Variants in DHRSX observed in about 807,000 individuals in gnomAD.
The protein encoded by DHRSX is polyprenol dehydrogenase.
A neutral mutation model predicts 34.0 loss-of-function variants in DHRSX; 31 were observed. The observed-to-expected ratio is 0.91, with a 90% CI of 0.69 to 1.23. DHRSX has a LOEUF of 1.23. DHRSX is among the 50% of genes most tolerant of loss of function. The pLI is 0.00. For synonymous variants in DHRSX, 201 were observed against 183.8 expected, an observed-to-expected ratio of 1.09 and a Z score of -0.76; for missense variants, 414 against 428.1, an observed-to-expected ratio of 0.97 and a Z score of 0.29.
At chrX:2,472,326 G>A (rs2044605875) in intron 1 of DHRSX, among the ~76,000 whole-genome samples, 1 of 152,118 alleles carries the variant, frequency 6.6e-6, no homozygotes, top group Non-Finnish European at 1.5e-5. Context: ...GGGCCTGCTG[G>A]AGGGTGGAGG....
intron 6 of DHRSX, among the ~76,000 whole-genome samples, chrX:2,223,282 T>A (rs114977810): frequency 0.018 from 2,797 of 152,172 alleles, 85 homozygotes; most frequent in African/African-American, 0.064. Flanking sequence ...AAAAGGCCGC[T>A]CCCCTGCACA....
intron 3 of DHRSX, among the ~76,000 whole-genome samples, chrX:2,337,147 A>G (rs1457394357): frequency 6.6e-6 from 1 of 152,070 alleles, no homozygotes; most frequent in Non-Finnish European, 1.5e-5. Flanking sequence ...CAACAAAGCT[A>G]TTTCCCGTAA....
chrX:2,431,053 C>T (rs1253369274), intron 1 of DHRSX, among the ~76,000 whole-genome samples: 1 of 150,958 alleles, frequency 6.6e-6, no homozygotes, highest in South Asian at 2.1e-4. Context: ...CGGCCGGGCA[C>T]GGTGGCTCAT....
At chrX:2,467,962 C>CA (rs746652058) in intron 1 of DHRSX, among the ~76,000 whole-genome samples, 2,036 of 84,158 alleles carry the variant, frequency 0.024, 39 homozygotes, top group African/African-American at 0.059. Context: ...AACTCCGTCT[C>CA]AAAAAAAAAA....
intron 3 of DHRSX, among the ~76,000 whole-genome samples, chrX:2,384,161 CA>C (rs1373705716): frequency 1.2e-4 from 19 of 152,274 alleles, no homozygotes; most frequent in Non-Finnish European, 2.1e-4. Flanking sequence ...ACAGAGCTCT[CA>C]GTTGCCACCA....
At chrX:2,299,766 A>C (rs1452296417) in intron 3 of DHRSX, among the ~76,000 whole-genome samples, 4 of 151,968 alleles carry the variant, frequency 2.6e-5, no homozygotes, top group Non-Finnish European at 5.9e-5. Flanking sequence ...GAGGCAGGAC[A>C]ATCGTTTGAA....
At chrX:2,261,849 A>G (rs2041368003) in intron 5 of DHRSX, 1 of 152,198 alleles carries the variant, frequency 6.6e-6, no homozygotes, top group Admixed American at 6.5e-5. Flanking sequence ...AGAATAACAG[A>G]CAGGCGGCCC....
intron 1 of DHRSX, chrX:2,488,195 CTTTTT>C: frequency 6.2e-6 from 1 of 161,524 alleles, no homozygotes; most frequent in Non-Finnish European, 1.3e-5. Context: ...CTTCTTTTTT[CTTTTT>C]GAGAGAGTCT....
intron 3 of DHRSX, among the ~76,000 whole-genome samples, chrX:2,349,261 A>G (rs1311930372): frequency 1.3e-5 from 2 of 152,066 alleles, no homozygotes; most frequent in Non-Finnish European, 2.9e-5. Context: ...CGTTCAATAG[A>G]TGAATGGATG....
At chrX:2,322,736 A>T (rs1354776255) in intron 3 of DHRSX, among the ~76,000 whole-genome samples, 1 of 151,368 alleles carries the variant, frequency 6.6e-6, no homozygotes, top group African/African-American at 2.4e-5. Flanking sequence ...AATACAGTAT[A>T]CAATACATAA....
chrX:2,253,139 G>A (rs1490178548), intron 5 of DHRSX, among the ~76,000 whole-genome samples: 3 of 152,234 alleles, frequency 2.0e-5, no homozygotes, highest in Non-Finnish European at 4.4e-5. Context: ...AGCAAGCCAA[G>A]ATAGCGTCAC....
chrX:2,434,397 G>T (rs2043967356), intron 1 of DHRSX, among the ~76,000 whole-genome samples: 1 of 152,152 alleles, frequency 6.6e-6, no homozygotes, highest in Non-Finnish European at 1.5e-5. Flanking sequence ...AGCCAGGCCT[G>T]GTAGCTTATG....
At chrX:2,312,340 G>T (rs1314610125) in intron 3 of DHRSX, among the ~76,000 whole-genome samples, 1 of 152,076 alleles carries the variant, frequency 6.6e-6, no homozygotes, top group Non-Finnish European at 1.5e-5. Context: ...CGCTTCCCTA[G>T]AGCAACTAAT....
Position 2,490,441 on chromosome X carries a change from G to C in DHRSX, c.109+10376C>G, listed in dbSNP as rs149469359. ...ACGACTCGGGCTTCAGCTTGGAGAA[G>C]GCGGTGGCGAAGGCTTCACGCATCT... On this transcript the variant is annotated intron_variant, in intron 1 of 6. Transcript: ENST00000334651. 39 of 1,613,998 alleles carry C rather than the reference G, an allele frequency of 2.4e-5. No homozygotes were observed. In the African/African-American group the frequency reaches 4.0e-4, roughly 17 times the overall value.
At chrX:2,306,926 CTTTTTTT>C (rs779898766) in intron 3 of DHRSX, among the ~76,000 whole-genome samples, 5 of 132,170 alleles carry the variant, frequency 3.8e-5, no homozygotes, top group Admixed American at 7.6e-5. Flanking sequence ...GGTCTTGGGG[CTTTTTTT>C]TTTTTTTTTG....
At chrX:2,243,785 CCTGTTTTTTTTTTTTTTTTTT>C (rs1404565077) in intron 5 of DHRSX, among the ~76,000 whole-genome samples, 19 of 71,542 alleles carry the variant, frequency 2.7e-4, no homozygotes, top group East Asian at 9.1e-4. Context: ...CACTATGCTC[CCTGTTTTTTTTTTTTTTTTTT>C]TTTTTTTTTT....
At chrX:2,248,406 C>G (rs1337061974) in intron 5 of DHRSX, among the ~76,000 whole-genome samples, 2 of 144,212 alleles carry the variant, frequency 1.4e-5, no homozygotes, top group Non-Finnish European at 3.0e-5. Context: ...GCATTCCAGC[C>G]TGGGCGACAG....
chrX:2,284,673 TG>T (rs1232057493), intron 4 of DHRSX, among the ~76,000 whole-genome samples: 1 of 152,164 alleles, frequency 6.6e-6, no homozygotes, highest in Non-Finnish European at 1.5e-5. Flanking sequence ...TTTTCAGACA[TG>T]GGGATGGGAA....
chrX:2,250,161 CAAAAAAAAAAAA>C, intron 5 of DHRSX, among the ~76,000 whole-genome samples: 1 of 101,810 alleles, frequency 9.8e-6, no homozygotes, highest in African/African-American at 4.2e-5. Context: ...GACTCCATCT[CAAAAAAAAAAAA>C]AAAAAAAATT....
Sources: allele counts gnomAD v4.1 joint callset (sites outside exome capture counted in the v4.1 genomes callset), GRCh38; gene constraint gnomAD v4.1.1; transcripts MANE v1.5; gene names NCBI Gene and HGNC (gene_info 2026-07-23, HGNC 2026-07-21).